Variants in STAM observed in about 807,000 individuals in gnomAD.
STAM encodes signal transducing adaptor molecule.
In STAM, 16 loss-of-function variants were observed where a neutral mutation model predicts 63.4. The observed-to-expected ratio is 0.25, with a 90% CI of 0.17 to 0.38. STAM has a LOEUF of 0.38. STAM is among the 10% of genes least tolerant of loss of function. The probability of loss-of-function intolerance (pLI) is 1.00; values close to 1 mark genes in which losing one functional copy is unlikely to be tolerated. For synonymous variants in STAM, 238 were observed against 223.9 expected (o/e 1.06, Z -0.56); for missense variants, 636 against 657.1 (o/e 0.97, Z 0.35).
intron 1 of STAM, among the ~76,000 whole-genome samples, chr10:17,654,955 C>A (rs1429042434): frequency 6.6e-6 from 1 of 152,190 alleles, no homozygotes; most frequent in Non-Finnish European, 1.5e-5. Flanking sequence ...CTAGATTCTT[C>A]ATTATACTTC....
At chr10:17,648,386 T>C (rs1554821145) in intron 1 of STAM, among the ~76,000 whole-genome samples, 1 of 152,150 alleles carries the variant, frequency 6.6e-6, no homozygotes, top group African/African-American at 2.4e-5. Context: ...CAGCAGGACA[T>C]GGGCGGGGAC....
At chr10:17,659,795 A>G (rs1554822643) in intron 1 of STAM, among the ~76,000 whole-genome samples, 2 of 152,040 alleles carry the variant, frequency 1.3e-5, no homozygotes, top group African/African-American at 2.4e-5. Context: ...TGTAGATACA[A>G]GTTTCTGACT....
At chr10:17,712,811 T>A (rs903089409) in intron 13 of STAM, among the ~76,000 whole-genome samples, 2 of 152,114 alleles carry the variant, frequency 1.3e-5, no homozygotes, top group Non-Finnish European at 2.9e-5. Context: ...TTTCTTTTTT[T>A]AATGGGAGCA....
chr10:17,713,144 C>T (rs1836633804), intron 13 of STAM, among the ~76,000 whole-genome samples: 1 of 152,144 alleles, frequency 6.6e-6, no homozygotes, highest in Non-Finnish European at 1.5e-5. Context: ...TTGCTGGTGA[C>T]CATTCTCTTT....
intron 2 of STAM, among the ~76,000 whole-genome samples, chr10:17,679,475 T>C (rs576310795): frequency 6.6e-6 from 1 of 152,318 alleles, no homozygotes; most frequent in East Asian, 1.9e-4. Context: ...TTGTCATATA[T>C]ATGATTTGGA....
At chr10:17,692,174 A>G (rs1254273211) in intron 5 of STAM, among the ~76,000 whole-genome samples, 3 of 152,176 alleles carry the variant, frequency 2.0e-5, no homozygotes, top group Non-Finnish European at 4.4e-5. Flanking sequence ...TCATCCAGCT[A>G]GAAAGTGGTA....
At chr10:17,693,976 A>G (rs61842339) in intron 6 of STAM, among the ~76,000 whole-genome samples, 18,386 of 152,128 alleles carry the variant, frequency 0.12, 1,202 homozygotes, top group Middle Eastern at 0.16. Context: ...TTTAACTTTC[A>G]TGAATCTGGT....
At chr10:17,707,283 G>A (rs1836330565) in intron 12 of STAM, among the ~76,000 whole-genome samples, 1 of 152,060 alleles carries the variant, frequency 6.6e-6, no homozygotes, top group Non-Finnish European at 1.5e-5. Flanking sequence ...GGTGGTGGGT[G>A]CCTATAGTCC....
chr10:17,664,059 T>G (rs1834279822), intron 2 of STAM, among the ~76,000 whole-genome samples: 1 of 150,904 alleles, frequency 6.6e-6, no homozygotes, highest in African/African-American at 2.4e-5. Flanking sequence ...AAAGTTCACT[T>G]TTTTCTTCTT....
chr10:17,686,029 A>T lies in STAM; in HGVS notation c.297+1102A>T, dbSNP rs149891439. ...AATAGTTCCAGGTTACAGTAGAAAAATAGCAGTATAGAAATATAGTAAGAA... is the reference window on the plus strand; with the variant it reads ...AATAGTTCCAGGTTACAGTAGAAAATTAGCAGTATAGAAATATAGTAAGAA... On this transcript the variant is annotated intron_variant, in intron 4 of 13. Coordinates refer to ENST00000377524, the MANE Select transcript of STAM (RefSeq NM_003473.4). Among the ~76,000 whole-genome samples the T allele has an allele frequency of 2.9e-3, 435 of 152,288 alleles. 4 individuals are homozygous for T. The highest frequency in any genetic ancestry group is 9.1e-3 in the African/African-American group (377 of 41,568).
intron 2 of STAM, among the ~76,000 whole-genome samples, chr10:17,683,210 A>T (rs1835157918): frequency 6.6e-6 from 1 of 151,952 alleles, no homozygotes; most frequent in Non-Finnish European, 1.5e-5. Flanking sequence ...GTCTCTCAGG[A>T]TGGAGTACGG....
intron 9 of STAM, among the ~76,000 whole-genome samples, chr10:17,701,841 GA>G (rs1554828506): frequency 6.6e-6 from 1 of 152,098 alleles, no homozygotes; most frequent in African/African-American, 2.4e-5. Flanking sequence ...TACCAGGGAT[GA>G]TTTCATATAC....
At chr10:17,707,671 C>G (rs539269339) in intron 12 of STAM, among the ~76,000 whole-genome samples, 1 of 152,162 alleles carries the variant, frequency 6.6e-6, no homozygotes, top group South Asian at 2.1e-4. Flanking sequence ...GTTAGGAGGA[C>G]TGGTATAGCT....
intron 12 of STAM, among the ~76,000 whole-genome samples, chr10:17,706,503 T>C (rs1554829277): frequency 1.3e-5 from 2 of 149,856 alleles, no homozygotes; most frequent in Non-Finnish European, 3.0e-5. Flanking sequence ...CTCAGCCTCC[T>C]GAGTAGCTGG....
At chr10:17,685,094 A>G (rs1835241986) in intron 4 of STAM, among the ~76,000 whole-genome samples, 167 bp downstream of exon 4, 2 of 152,106 alleles carry the variant, frequency 1.3e-5, no homozygotes, top group South Asian at 4.1e-4. Context: ...GAGACTGCGG[A>G]TTCATGTAAC....
At chr10:17,659,708 C>A (rs1834087281) in intron 1 of STAM, among the ~76,000 whole-genome samples, 1 of 151,970 alleles carries the variant, frequency 6.6e-6, no homozygotes, top group South Asian at 2.1e-4. Context: ...AGTGATCCTC[C>A]CACCTCGGCC....
At chr10:17,704,388 T>C in intron 9 of STAM, 43 bp from the exon 10 acceptor site, 1 of 1,543,002 alleles carries the variant, frequency 6.5e-7, no homozygotes, top group Non-Finnish European at 8.9e-7. Flanking sequence ...TAAAGTTGCC[T>C]AAAGGTTGGT....
chr10:17,689,389 G>A (rs11254727), intron 5 of STAM, among the ~76,000 whole-genome samples: 11,597 of 152,096 alleles, frequency 0.076, 631 homozygotes, highest in Non-Finnish European at 0.12. Flanking sequence ...TTCTTCCCAA[G>A]GCATTTCCAG....
chr10:17,696,708 A>G, intron 7 of STAM, 67 bp from the exon 8 acceptor site: 1 of 1,212,992 alleles, frequency 8.2e-7, no homozygotes, highest in South Asian at 1.3e-5. Flanking sequence ...TGAATACTAC[A>G]AAAGATAAAG....
Sources: allele counts gnomAD v4.1 joint callset (sites outside exome capture counted in the v4.1 genomes callset), GRCh38; gene constraint gnomAD v4.1.1; transcripts MANE v1.5; gene names NCBI Gene and HGNC (gene_info 2026-07-23, HGNC 2026-07-21).